Variants in ANKRD13C observed in about 807,000 individuals in gnomAD.
ANKRD13C encodes ankyrin repeat domain-containing protein 13C.
A neutral mutation model predicts 65.5 loss-of-function variants in ANKRD13C; 16 were observed. The observed-to-expected ratio is 0.24, with a 90% CI of 0.17 to 0.37. The LOEUF is 0.37. Ranked by LOEUF, ANKRD13C falls within the 10% of genes least tolerant of loss-of-function variation. ANKRD13C has a pLI of 1.00. For missense variants in ANKRD13C, 503 were observed against 655.9 expected, an observed-to-expected ratio of 0.77 and a Z score of 2.55; for synonymous variants, 235 against 238.7, an observed-to-expected ratio of 0.98 and a Z score of 0.14.
intron 6 of ANKRD13C, among the ~76,000 whole-genome samples, chr1:70,302,482 TTTGGGAGGCCAAGGCGGGCGG>T (rs1330979174): frequency 6.8e-6 from 1 of 146,096 alleles, no homozygotes; most frequent in Non-Finnish European, 1.5e-5. Context: ...ATCCCAGCAC[TTTGGGAGGCCAAGGCGGGCGG>T]ATCACGAGGT....
chr1:70,281,451 G>A (rs1296942433), intron 9 of ANKRD13C, among the ~76,000 whole-genome samples: 2 of 136,978 alleles, frequency 1.5e-5, no homozygotes, highest in Non-Finnish European at 3.0e-5. Flanking sequence ...CACCTACACT[G>A]GAGTGCAGTA....
chr1:70,275,918 G>T (rs1449225965), intron 10 of ANKRD13C, among the ~76,000 whole-genome samples: 1 of 132,382 alleles, frequency 7.6e-6, no homozygotes, highest in Non-Finnish European at 1.5e-5. Context: ...CTGAGATCAC[G>T]CCCACTGCAC....
intron 6 of ANKRD13C, among the ~76,000 whole-genome samples, chr1:70,301,663 G>C (rs1680361007): frequency 6.6e-6 from 1 of 152,138 alleles, no homozygotes; most frequent in African/African-American, 2.4e-5. Flanking sequence ...AATACTCATG[G>C]ATTCACACAT....
intron 9 of ANKRD13C, among the ~76,000 whole-genome samples, chr1:70,277,218 G>A (rs1679179472): frequency 6.6e-6 from 1 of 152,168 alleles, no homozygotes; most frequent in Admixed American, 6.5e-5. Context: ...AGCACTTTGG[G>A]AGGCCAAGGC....
rs1212420824 is a variant in ANKRD13C, at chr1:70,354,474, G to C, written c.-66C>G. 1 of 1,521,512 alleles carries C rather than the reference G, an allele frequency of 6.6e-7. No homozygotes were observed. The highest frequency in any genetic ancestry group is 8.8e-7 in the Non-Finnish European group (1 of 1,137,644). The allele number at this position is 1,521,512 out of a possible 1,614,324, so 94.3% of individuals were successfully genotyped here. On this transcript the variant is annotated 5_prime_UTR_variant, in exon 1 of 13. Transcript: ENST00000370944. Reference sequence around the variant, plus strand: ...CGCTGGCGACGGAGCTGGCGCTGCGGCGGCACAAGGCGATTAGAGCGGTGG... The same window carrying C: ...CGCTGGCGACGGAGCTGGCGCTGCGCCGGCACAAGGCGATTAGAGCGGTGG...
At chr1:70,331,023 C>T (rs1293954545) in intron 2 of ANKRD13C, among the ~76,000 whole-genome samples, 2 of 151,972 alleles carry the variant, frequency 1.3e-5, no homozygotes, top group African/African-American at 2.4e-5. Flanking sequence ...GAAAAACTAA[C>T]GTTATTCAGT....
At chr1:70,278,280 G>A (rs1679229505) in intron 9 of ANKRD13C, among the ~76,000 whole-genome samples, 1 of 151,214 alleles carries the variant, frequency 6.6e-6, no homozygotes, top group African/African-American at 2.4e-5. Context: ...ATCACTTGAG[G>A]TGAGGGGTTC....
At position 70,313,647 on chromosome 1, in the gene ANKRD13C, T is replaced by C. The variant is rs184118129; in HGVS notation, c.709+98A>G. The C allele has an allele frequency of 2.4e-5, 21 of 892,234 alleles. No homozygotes were observed. In the Admixed American group the frequency reaches 3.4e-4, roughly 14 times the overall value. 55.3% of individuals were successfully genotyped at this position (892,234 alleles called of 1,614,324 possible). ...AAAATACTTTTCCTCACAGCAAGTA[T>C]TAAATTTGTTATCCTAACATTTCTA... is the stretch of plus-strand genomic sequence containing the variant. On this transcript the variant is annotated intron_variant, in intron 5 of 12. Transcript: ENST00000370944.
In ANKRD13C at chr1:70,328,643, CAGAG is replaced by C. The variant is rs1435882747; in HGVS notation, c.473-3690_473-3687del. Among the ~76,000 whole-genome samples, 3 of 152,086 alleles carry C rather than the reference CAGAG, an allele frequency of 2.0e-5. No individual in the cohort carries two copies. In the East Asian group the frequency reaches 5.8e-4, roughly 29 times the overall value. On this transcript the variant is annotated intron_variant, in intron 2 of 12. Coordinates refer to ENST00000370944, the MANE Select transcript of ANKRD13C (RefSeq NM_030816.5). ...CGCCATTACACTCTGGCCTGGGCAA[CAGAG>C]AGAGACTGACTCAATAAATAAATAA...
At chr1:70,296,492 G>T (rs1310499522) in intron 7 of ANKRD13C, among the ~76,000 whole-genome samples, 1 of 152,002 alleles carries the variant, frequency 6.6e-6, no homozygotes, top group Admixed American at 6.6e-5. Context: ...ATAAAAGCAG[G>T]ACACATGAAA....
chr1:70,313,984 T>C (rs969412860), intron 4 of ANKRD13C, among the ~76,000 whole-genome samples, 194 bp from the exon 5 acceptor site: 3 of 151,898 alleles, frequency 2.0e-5, no homozygotes, highest in Admixed American at 6.6e-5. Flanking sequence ...GCATTTAAAT[T>C]TGTATCAATA....
intron 9 of ANKRD13C, among the ~76,000 whole-genome samples, chr1:70,284,420 T>C (rs989329832): frequency 3.9e-5 from 6 of 152,182 alleles, no homozygotes; most frequent in Non-Finnish European, 8.8e-5. Context: ...TTTACTATTA[T>C]GTGCTCTACT....
intron 1 of ANKRD13C, among the ~76,000 whole-genome samples, chr1:70,346,742 G>T (rs553131354): frequency 6.6e-6 from 1 of 152,094 alleles, no homozygotes; most frequent in Non-Finnish European, 1.5e-5. Context: ...CCCAACTATA[G>T]TAGCTTTTTA....
chr1:70,277,516 A>G (rs1021316181), intron 9 of ANKRD13C, among the ~76,000 whole-genome samples: 9 of 152,132 alleles, frequency 5.9e-5, no homozygotes, highest in African/African-American at 2.4e-5. Flanking sequence ...GAAAGAAAAA[A>G]AAAATACAGA....
At chr1:70,325,004 A>T in intron 2 of ANKRD13C, 47 bp from the exon 3 acceptor site, 1 of 1,305,210 alleles carries the variant, frequency 7.7e-7, no homozygotes. Flanking sequence ...CAATTTTTAG[A>T]ATCTCTAAAT....
chr1:70,343,880 T>G (rs1682416989), intron 1 of ANKRD13C, among the ~76,000 whole-genome samples: 1 of 152,204 alleles, frequency 6.6e-6, no homozygotes, highest in Non-Finnish European at 1.5e-5. Flanking sequence ...GCCGGTACAG[T>G]GGCTGCAGCC....
At chr1:70,349,322 G>A (rs893081137) in intron 1 of ANKRD13C, among the ~76,000 whole-genome samples, 28 of 152,014 alleles carry the variant, frequency 1.8e-4, no homozygotes, top group Non-Finnish European at 3.5e-4. Flanking sequence ...ATAATTTTGT[G>A]TACTTTTAAT....
At chr1:70,317,389 G>A (rs1169885926) in intron 3 of ANKRD13C, among the ~76,000 whole-genome samples, 1 of 152,042 alleles carries the variant, frequency 6.6e-6, no homozygotes, top group Non-Finnish European at 1.5e-5. Context: ...GAAAAAATGT[G>A]TACTAGAATG....
chr1:70,265,694 T>A (rs1197246670), intron 12 of ANKRD13C, among the ~76,000 whole-genome samples: 1 of 150,752 alleles, frequency 6.6e-6, no homozygotes, highest in Non-Finnish European at 1.5e-5. Context: ...GTGTGGTGGC[T>A]CATGTCTGTG....
Sources: gnomAD v4.1 joint callset for allele counts (sites outside exome capture counted in the v4.1 genomes callset) on GRCh38, gnomAD v4.1.1 for gene constraint, MANE v1.5 for transcripts, NCBI Gene and HGNC (gene_info 2026-07-23, HGNC 2026-07-21) for gene names.